Variants in SEPTIN14 observed in about 807,000 individuals in gnomAD.
SEPTIN14 encodes septin 14.
SEPTIN14 carries 40 observed loss-of-function variants against 53.6 expected under a neutral mutation model. The ratio of observed to expected loss-of-function variants is 0.75; its 90% CI spans 0.58 to 0.97. The LOEUF (loss-of-function observed/expected upper bound fraction) is 0.97. Ranked by LOEUF, SEPTIN14 falls within the 50% of genes least tolerant of loss-of-function variation. The pLI is 0.00. For synonymous variants in SEPTIN14, 138 were observed against 166.8 expected, an observed-to-expected ratio of 0.83 and a Z score of 1.33; for missense variants, 471 against 508.2, an observed-to-expected ratio of 0.93 and a Z score of 0.70.
chr7:55,804,523 T>G (rs571369748), intron 9 of SEPTIN14, among the ~76,000 whole-genome samples: 1 of 152,250 alleles, frequency 6.6e-6, no homozygotes, highest in African/African-American at 2.4e-5. Flanking sequence ...TCTCCCAAAG[T>G]GCTGGGATTA....
At chr7:55,828,299 CTT>C (rs35052627) in intron 6 of SEPTIN14, among the ~76,000 whole-genome samples, 15 of 129,848 alleles carry the variant, frequency 1.2e-4, no homozygotes, top group East Asian at 2.3e-4. Flanking sequence ...CAGATGAAAG[CTT>C]TTTTTTTTTT....
intron 3 of SEPTIN14, among the ~76,000 whole-genome samples, chr7:55,844,932 A>G (rs996103198): frequency 1.4e-5 from 2 of 145,306 alleles, no homozygotes; most frequent in African/African-American, 5.1e-5. Flanking sequence ...TTTTACTTTT[A>G]TTTTAGGTTG....
rs115949001 is a variant in SEPTIN14, at chr7:55,844,790, C to T, written c.176-72G>A. 1.3e-3 allele frequency: 943 copies of T among 733,398 alleles called. 12 individuals carry two copies. The African/African-American group carries it at 0.015, about 12-fold the overall frequency. 45.4% of individuals were successfully genotyped at this position (733,398 alleles called of 1,614,324 possible). A position where few individuals can be genotyped will look rare whatever the true frequency, so the allele number is the denominator to read the frequency against. On this transcript the variant is annotated intron_variant, in intron 3 of 9. Transcript: ENST00000388975. ...GAAAAAGCAACACTTTGAATTCCTA[C>T]GGTGGTTTTTAAAATCTTAGAAAGT... is the stretch of plus-strand genomic sequence containing the variant.
At chr7:55,809,580 C>T (rs914569282) in intron 7 of SEPTIN14, among the ~76,000 whole-genome samples, 2 of 151,356 alleles carry the variant, frequency 1.3e-5, no homozygotes, top group Non-Finnish European at 2.9e-5. Context: ...TAGTCTTGAA[C>T]TCCTGAACTC....
intron 6 of SEPTIN14, among the ~76,000 whole-genome samples, chr7:55,830,349 A>ATATTTTTT (rs71015108): frequency 2.5e-4 from 14 of 56,850 alleles, no homozygotes; most frequent in South Asian, 1.4e-3. Flanking sequence ...ATATATATAT[A>ATATTTTTT]TTTTTTTTTT....
chr7:55,858,826 G>C (rs556713891), intron 2 of SEPTIN14, among the ~76,000 whole-genome samples: 156 of 151,806 alleles, frequency 1.0e-3, no homozygotes, highest in Middle Eastern at 3.4e-3. Context: ...AGCCCATAGG[G>C]TAGTAAGAAT....
At chr7:55,834,654 T>C in intron 5 of SEPTIN14, 68 bp from the exon 6 acceptor site, 2 of 1,364,658 alleles carry the variant, frequency 1.5e-6, no homozygotes, top group Non-Finnish European at 2.0e-6. Context: ...TTTTTGTTTT[T>C]TGTTTTGAGA....
At chr7:55,833,380 C>T (rs1271342646) in intron 6 of SEPTIN14, among the ~76,000 whole-genome samples, 2 of 150,658 alleles carry the variant, frequency 1.3e-5, no homozygotes, top group African/African-American at 4.9e-5. Context: ...ACACAAATAG[C>T]AGAAGGAAAG....
intron 7 of SEPTIN14, among the ~76,000 whole-genome samples, chr7:55,813,556 C>T (rs1165109535): frequency 1.3e-5 from 2 of 152,146 alleles, no homozygotes; most frequent in African/African-American, 2.4e-5. Flanking sequence ...ACTCCTTCCA[C>T]TTGTGGGAAA....
At chr7:55,857,145 G>C (rs915972848) in intron 2 of SEPTIN14, among the ~76,000 whole-genome samples, 1 of 151,730 alleles carries the variant, frequency 6.6e-6, no homozygotes, top group Admixed American at 6.6e-5. Flanking sequence ...GGCTGAGGCA[G>C]GCGGATCACC....
At chr7:55,803,855 T>C (rs931312446) in intron 9 of SEPTIN14, among the ~76,000 whole-genome samples, 2 of 151,778 alleles carry the variant, frequency 1.3e-5, no homozygotes, top group Non-Finnish European at 2.9e-5. Flanking sequence ...CCAGGCGCGA[T>C]GGCTCATGTC....
intron 3 of SEPTIN14, 46 bp downstream of exon 3, chr7:55,846,471 T>C (rs750906433): frequency 2.1e-6 from 3 of 1,438,758 alleles, no homozygotes; most frequent in African/African-American, 1.4e-5. Context: ...GAAATGAACA[T>C]TGGGAAAAAT....
intron 9 of SEPTIN14, among the ~76,000 whole-genome samples, chr7:55,801,875 C>T (rs533410885): frequency 4.3e-4 from 65 of 152,056 alleles, no homozygotes; most frequent in African/African-American, 1.5e-3. Flanking sequence ...GAGCTGAGAT[C>T]GTGCCACTTC....
At chr7:55,815,843 G>A (rs2115985281) in intron 7 of SEPTIN14, among the ~76,000 whole-genome samples, 1 of 152,226 alleles carries the variant, frequency 6.6e-6, no homozygotes, top group Middle Eastern at 3.4e-3. Flanking sequence ...AATCCCACTA[G>A]TAGGTGTATA....
At chr7:55,845,146 C>G (rs1338942410) in intron 3 of SEPTIN14, among the ~76,000 whole-genome samples, 4 of 152,050 alleles carry the variant, frequency 2.6e-5, no homozygotes, top group Admixed American at 6.6e-5. Flanking sequence ...CATTTAGCTC[C>G]CACTTACAAG....
chr7:55,809,690 C>A (rs1788668046), intron 7 of SEPTIN14, among the ~76,000 whole-genome samples: 1 of 150,250 alleles, frequency 6.7e-6, no homozygotes, highest in Non-Finnish European at 1.5e-5. Context: ...ATGAAATAAT[C>A]TTTTACACCA....
In SEPTIN14 at chr7:55,794,337, A is replaced by C. The variant is rs1436314469; in HGVS notation, c.*1576T>G. 3 of 152,248 alleles carry C rather than the reference A, an allele frequency of 2.0e-5. No individual in the cohort carries two copies. Among genetic ancestry groups the C allele is most frequent in the Non-Finnish European group, 4.4e-5 (3 of 68,042 alleles). 9.4% of individuals were successfully genotyped at this position (152,248 alleles called of 1,614,324 possible). On this transcript the variant is annotated 3_prime_UTR_variant, in exon 10 of 10. Transcript: ENST00000388975. ...GAAGATAAAGGTCCCTCAGCAATAT[A>C]ACTCACAAACATGTTCAGAAGCAGT...
At chr7:55,848,510 T>G (rs2116062084) in intron 2 of SEPTIN14, among the ~76,000 whole-genome samples, 1 of 152,044 alleles carries the variant, frequency 6.6e-6, no homozygotes, top group South Asian at 2.1e-4. Flanking sequence ...TTGCTTGGGC[T>G]GGTCTTGAAT....
intron 5 of SEPTIN14, among the ~76,000 whole-genome samples, chr7:55,842,577 T>A (rs2116049081): frequency 6.7e-6 from 1 of 149,214 alleles, no homozygotes; most frequent in South Asian, 2.1e-4. Flanking sequence ...CACTCTAGCC[T>A]GGGTGACAGA....
Sources: gnomAD v4.1 joint callset for allele counts (sites outside exome capture counted in the v4.1 genomes callset) on GRCh38, gnomAD v4.1.1 for gene constraint, MANE v1.5 for transcripts, NCBI Gene and HGNC (gene_info 2026-07-23, HGNC 2026-07-21) for gene names.